The following TRIM71 variants were observed in gnomAD, a reference collection of about 807,000 sequenced individuals.
TRIM71 encodes E3 ubiquitin-protein ligase TRIM71.
In TRIM71, 9 loss-of-function variants were observed where a neutral mutation model predicts 61.2. The observed-to-expected ratio is 0.15, with a 90% CI of 0.09 to 0.26. The LOEUF is 0.26. TRIM71 is among the 10% of genes least tolerant of loss of function. The probability of loss-of-function intolerance (pLI) is 1.00; values close to 1 mark genes in which losing one functional copy is unlikely to be tolerated. For missense variants in TRIM71, 998 were observed against 1,238.7 expected (o/e 0.81, Z 2.92); for synonymous variants, 645 against 553.2 (o/e 1.17, Z -2.33).
chr3:32,882,161 T>C (rs1172942422), intron 2 of TRIM71, among the ~76,000 whole-genome samples: 1 of 151,970 alleles, frequency 6.6e-6, no homozygotes, highest in African/African-American at 2.4e-5. Flanking sequence ...AGTTTTGCTC[T>C]TGTAGCCCAG....
At chr3:32,834,415 C>T (rs964926768) in intron 1 of TRIM71, among the ~76,000 whole-genome samples, 3 of 152,072 alleles carry the variant, frequency 2.0e-5, no homozygotes, top group African/African-American at 7.3e-5. Flanking sequence ...TTATCTGCAG[C>T]TTTATTGTTG....
chr3:32,818,569 C>T lies in TRIM71; in HGVS notation c.489C>T (p.Ser163=), dbSNP rs985308992. 7.9e-6 allele frequency: 10 copies of T among 1,270,532 alleles called. No homozygotes were observed. In the South Asian group the frequency reaches 2.7e-4, roughly 34 times the overall value. The allele number at this position is 1,270,532 out of a possible 1,614,324, so 78.7% of individuals were successfully genotyped here. ...AHHAHPRASA[S]APPLPQAPQP... ...ACGCGCACCCGCGCGCGTCCGCCTC[C>T]GCGCCGCCACTCCCGCAGGCGCCGC... Residue 163 remains serine, a synonymous_variant, in exon 1 of 4, where the codon TCC becomes TCT. Transcript: ENST00000383763.
intron 1 of TRIM71, among the ~76,000 whole-genome samples, chr3:32,872,727 C>T (rs1696809469): frequency 6.6e-6 from 1 of 152,212 alleles, no homozygotes; most frequent in Non-Finnish European, 1.5e-5. Flanking sequence ...AAGGCTCATG[C>T]TGGCTTCCCT....
chr3:32,832,746 C>A lies in TRIM71; in HGVS notation c.852+13814C>A, dbSNP rs375444983. Among the ~76,000 whole-genome samples, 13 of 152,218 alleles carry A rather than the reference C, an allele frequency of 8.5e-5. No individual in the cohort carries two copies. In the East Asian group the frequency reaches 2.5e-3, roughly 29 times the overall value. On this transcript the variant is annotated intron_variant, in intron 1 of 3. Transcript: ENST00000383763. ...ACCTTTTACCTAATTTTTTCTACTT[C>A]TTTCAACATCTGTAAGGAAGAGATA...
intron 2 of TRIM71, among the ~76,000 whole-genome samples, chr3:32,874,765 A>T (rs1696836704): frequency 6.6e-6 from 1 of 150,520 alleles, no homozygotes; most frequent in Non-Finnish European, 1.5e-5. Context: ...CTCAGGTGAT[A>T]CACCTGCCTC....
rs1327928206 is a variant in TRIM71, at chr3:32,867,578, A to G, written c.853-6240A>G. Among the ~76,000 whole-genome samples the G allele has an allele frequency of 9.9e-5, 15 of 152,240 alleles. No individual in the cohort carries two copies. In the East Asian group the frequency reaches 2.9e-3, roughly 29 times the overall value. On this transcript the variant is annotated intron_variant, in intron 1 of 3. Transcript: ENST00000383763. ...AGTGATCCTTTTGTCTTGGCCTCCC[A>G]AAGTGCTGGTATTGTAGACCTAAAC...
At chr3:32,829,160 A>C (rs1446840944) in intron 1 of TRIM71, among the ~76,000 whole-genome samples, 1 of 145,556 alleles carries the variant, frequency 6.9e-6, no homozygotes, top group Non-Finnish European at 1.5e-5. Flanking sequence ...TGCCTGGATA[A>C]TTTTCTTTTT....
chr3:32,853,118 CTCTTTT>C (rs1696557514), intron 1 of TRIM71, among the ~76,000 whole-genome samples: 1 of 110,950 alleles, frequency 9.0e-6, no homozygotes, highest in Admixed American at 9.7e-5. Flanking sequence ...CTCTCTCTCT[CTCTTTT>C]TTTTTTTTTT....
At position 32,863,195 on chromosome 3, in the gene TRIM71, C is replaced by CTTTT. The variant is rs11348995; in HGVS notation, c.853-10600_853-10597dup. On this transcript the variant is annotated intron_variant, in intron 1 of 3. Coordinates refer to ENST00000383763, the MANE Select transcript of TRIM71 (RefSeq NM_001039111.3). ...TGGGAGGGAGGAGTATTAATTGAACCTTTTTTTTTTTTTTTTTTTTTTTTT... is the reference window on the plus strand; with the variant it reads ...TGGGAGGGAGGAGTATTAATTGAACCTTTTTTTTTTTTTTTTTTTTTTTTTTTTT... Among the ~76,000 whole-genome samples the CTTTT allele has an allele frequency of 2.6e-4, 14 of 53,748 alleles. 1 individual carries two copies. In the East Asian group the frequency reaches 2.7e-3, roughly 11 times the overall value. 35.3% of individuals were successfully genotyped at this position (53,748 alleles called of 152,430 possible). A position where few individuals can be genotyped will look rare whatever the true frequency, so the allele number is the denominator to read the frequency against.
chr3:32,858,800 A>G (rs1696634257), intron 1 of TRIM71, among the ~76,000 whole-genome samples: 1 of 152,212 alleles, frequency 6.6e-6, no homozygotes, highest in Non-Finnish European at 1.5e-5. Flanking sequence ...CAGATGGAGC[A>G]AGACAGGAAT....
chr3:32,831,772 A>G (rs941258056), intron 1 of TRIM71, among the ~76,000 whole-genome samples: 1 of 152,040 alleles, frequency 6.6e-6, no homozygotes, highest in Non-Finnish European at 1.5e-5. Context: ...CCTGACCTCA[A>G]GTGATCTGCC....
chr3:32,854,654 C>T (rs1325778436), intron 1 of TRIM71, among the ~76,000 whole-genome samples: 1 of 152,208 alleles, frequency 6.6e-6, no homozygotes, highest in Non-Finnish European at 1.5e-5. Flanking sequence ...GCTCCAACTC[C>T]TCACAAAGTT....
At chr3:32,828,867 G>C (rs985192688) in intron 1 of TRIM71, among the ~76,000 whole-genome samples, 1 of 151,996 alleles carries the variant, frequency 6.6e-6, no homozygotes, top group Non-Finnish European at 1.5e-5. Flanking sequence ...GTAGAGACAG[G>C]GTTCTCACTT....
At chr3:32,826,579 G>GTTTTTTTT (rs1696204240) in intron 1 of TRIM71, among the ~76,000 whole-genome samples, 4 of 48,830 alleles carry the variant, frequency 8.2e-5, no homozygotes, top group African/African-American at 2.7e-4. Flanking sequence ...CATCAGGTGA[G>GTTTTTTTT]TTCTTTTTTT....
intron 1 of TRIM71, among the ~76,000 whole-genome samples, chr3:32,819,309 G>T (rs951403472): frequency 3.9e-5 from 6 of 152,174 alleles, no homozygotes; most frequent in African/African-American, 1.4e-4. Context: ...GCCTCCCAAC[G>T]TGCTGAGAAG....
chr3:32,863,939 C>G (rs1383946736), intron 1 of TRIM71, among the ~76,000 whole-genome samples: 3 of 152,168 alleles, frequency 2.0e-5, no homozygotes, highest in Non-Finnish European at 4.4e-5. Context: ...GCCTCGGCCT[C>G]TCAAAAGTGC....
intron 1 of TRIM71, among the ~76,000 whole-genome samples, chr3:32,868,669 TTGAG>T (rs1324715627): frequency 2.7e-5 from 4 of 147,130 alleles, no homozygotes; most frequent in East Asian, 3.3e-4. Context: ...GTGGAGACAA[TTGAG>T]TGAGACATTA....
Position 32,824,684 on chromosome 3 carries a change from A to G in TRIM71, c.852+5752A>G, listed in dbSNP as rs572153090. Among the ~76,000 whole-genome samples, 9 of 152,250 alleles carry G rather than the reference A, an allele frequency of 5.9e-5. No homozygotes were observed. The South Asian group carries it at 1.2e-3, about 21-fold the overall frequency. ...ATTTTTGTGGAGATGGCGTTTCGCC[A>G]TGTTGCCCAGGCTGGTCTCAAACTC... On this transcript the variant is annotated intron_variant, in intron 1 of 3. Transcript: ENST00000383763.
intron 1 of TRIM71, among the ~76,000 whole-genome samples, chr3:32,840,561 A>C (rs1696392330): frequency 6.6e-6 from 1 of 152,164 alleles, no homozygotes; most frequent in Non-Finnish European, 1.5e-5. Context: ...TCTGTGCTGG[A>C]GACTTTCCCT....
Sources: gnomAD v4.1 joint callset for allele counts (sites outside exome capture counted in the v4.1 genomes callset) on GRCh38, gnomAD v4.1.1 for gene constraint, MANE v1.5 for transcripts, NCBI Gene and HGNC (gene_info 2026-07-23, HGNC 2026-07-21) for gene names.